Variants in TENM3 observed in about 807,000 individuals in gnomAD.
TENM3 encodes the protein teneurin transmembrane protein 3, also known as teneurin-3.
Under a neutral mutation model 255.1 loss-of-function variants are expected in TENM3, and 63 were observed. The ratio of observed to expected loss-of-function variants is 0.25; its 90% CI spans 0.20 to 0.30. The LOEUF (loss-of-function observed/expected upper bound fraction) is 0.30. Ranked by LOEUF, TENM3 falls within the 10% of genes least tolerant of loss-of-function variation. TENM3 has a pLI of 1.00. For synonymous variants in TENM3, 1,306 were observed against 1,322.3 expected (o/e 0.99, Z 0.27); for missense variants, 2,929 against 3,461.1 (o/e 0.85, Z 3.86).
the TENM3 span, among the ~76,000 whole-genome samples, chr4:181,508,673 C>T: frequency 1.3e-5 from 2 of 152,022 alleles, no homozygotes; most frequent in Non-Finnish European, 2.9e-5. Context: ...CTAATTGTCA[C>T]ATGGCAGAAA....
At chr4:182,034,477 G>A in the TENM3 span, among the ~76,000 whole-genome samples, 10 of 152,182 alleles carry the variant, frequency 6.6e-5, no homozygotes, top group African/African-American at 2.4e-4. Flanking sequence ...GCTTCATAGT[G>A]TGTCACTGGT....
chr4:181,603,833 A>G, the TENM3 span, among the ~76,000 whole-genome samples: 1 of 147,386 alleles, frequency 6.8e-6, no homozygotes, highest in African/African-American at 2.7e-5. Flanking sequence ...AAACTGCATG[A>G]AAGAGGCTAG....
intron 3 of TENM3, among the ~76,000 whole-genome samples, chr4:182,352,915 G>A (rs967039832): frequency 2.2e-4 from 33 of 152,082 alleles, no homozygotes; most frequent in African/African-American, 7.5e-4. Context: ...GGAGGGCAGT[G>A]CCATTTCTTC....
At chr4:182,330,067 A>C (rs1331406538) in intron 2 of TENM3, among the ~76,000 whole-genome samples, 2 of 125,912 alleles carry the variant, frequency 1.6e-5, no homozygotes, top group Non-Finnish European at 3.5e-5. Flanking sequence ...CTACTGAGAG[A>C]AAAAAAAAAT....
chr4:181,598,509 T>TAA, the TENM3 span, among the ~76,000 whole-genome samples: 629 of 152,248 alleles, frequency 4.1e-3, 3 homozygotes, highest in Middle Eastern at 0.014. Context: ...TTTTTTTAAT[T>TAA]AAGAATATTT....
chr4:182,226,619 G>A (rs1756172596), intron 1 of TENM3, among the ~76,000 whole-genome samples: 1 of 152,166 alleles, frequency 6.6e-6, no homozygotes, highest in South Asian at 2.1e-4. Context: ...CTACAGGATG[G>A]AGTGGCTGAG....
chr4:182,766,026 T>C (rs911091559), intron 22 of TENM3, among the ~76,000 whole-genome samples: 2 of 152,210 alleles, frequency 1.3e-5, no homozygotes, highest in Non-Finnish European at 2.9e-5. Context: ...AATTTTCTCT[T>C]TCCAAATGTG....
chr4:181,601,903 C>G, the TENM3 span, among the ~76,000 whole-genome samples: 1 of 152,090 alleles, frequency 6.6e-6, no homozygotes, highest in African/African-American at 2.4e-5. Flanking sequence ...GTAGAAACAT[C>G]CTTCCAATTT....
chr4:182,368,401 G>T (rs1766572275), intron 3 of TENM3, among the ~76,000 whole-genome samples: 1 of 152,266 alleles, frequency 6.6e-6, no homozygotes. Flanking sequence ...TGACCAGTGG[G>T]CCCTTTTATC....
chr4:181,742,838 C>T, the TENM3 span, among the ~76,000 whole-genome samples: 2 of 144,110 alleles, frequency 1.4e-5, no homozygotes, highest in Non-Finnish European at 3.0e-5. Context: ...CCCCCCTCCC[C>T]ACAACAGTCC....
chr4:182,216,288 A>G (rs1362302982), intron 1 of TENM3, among the ~76,000 whole-genome samples: 2 of 152,240 alleles, frequency 1.3e-5, no homozygotes, highest in Admixed American at 6.5e-5. Flanking sequence ...ATTACTGCAC[A>G]TGTGTGAAAG....
At chr4:182,488,454 T>C (rs1734964989) in intron 3 of TENM3, among the ~76,000 whole-genome samples, 1 of 144,010 alleles carries the variant, frequency 6.9e-6, no homozygotes, top group Admixed American at 7.0e-5. Context: ...TGCTAAGTTA[T>C]CTATATAATT....
intron 3 of TENM3, among the ~76,000 whole-genome samples, chr4:182,442,096 C>G (rs1772534478): frequency 6.6e-6 from 1 of 152,088 alleles, no homozygotes; most frequent in Non-Finnish European, 1.5e-5. Context: ...TATGAGCAAG[C>G]AGAAATTGGT....
chr4:181,679,254 T>C, the TENM3 span, among the ~76,000 whole-genome samples: 1 of 152,114 alleles, frequency 6.6e-6, no homozygotes, highest in Non-Finnish European at 1.5e-5. Context: ...TTCCCTTTTC[T>C]TGTCTTTAAA....
the TENM3 span, among the ~76,000 whole-genome samples, chr4:182,125,298 G>C: frequency 6.6e-6 from 1 of 152,250 alleles, no homozygotes; most frequent in African/African-American, 2.4e-5. Flanking sequence ...CACAGTGCTG[G>C]TGTTCAAGTC....
chr4:181,682,842 T>A, the TENM3 span, among the ~76,000 whole-genome samples: 1 of 151,968 alleles, frequency 6.6e-6, no homozygotes, highest in Non-Finnish European at 1.5e-5. Flanking sequence ...GAATTCATGT[T>A]ACGGTCAGGC....
chr4:182,212,005 A>AAT (rs1027464108), intron 1 of TENM3, among the ~76,000 whole-genome samples: 1 of 152,114 alleles, frequency 6.6e-6, no homozygotes, highest in Admixed American at 6.5e-5. Flanking sequence ...GCTCTACTCT[A>AAT]ATATATATAT....
the TENM3 span, among the ~76,000 whole-genome samples, chr4:181,709,717 G>A: frequency 1.3e-5 from 2 of 152,260 alleles, no homozygotes; most frequent in Non-Finnish European, 2.9e-5. Context: ...GGACAGCCAT[G>A]GAAACAAGAT....
At chr4:182,499,382 T>C (rs1167368501) in intron 3 of TENM3, among the ~76,000 whole-genome samples, 1 of 152,232 alleles carries the variant, frequency 6.6e-6, no homozygotes, top group South Asian at 2.1e-4. Flanking sequence ...ACAGGAGTTC[T>C]AGCAGAGGCC....
Sources: gnomAD v4.1 joint callset for allele counts (sites outside exome capture counted in the v4.1 genomes callset) on GRCh38, gnomAD v4.1.1 for gene constraint, MANE v1.5 for transcripts, NCBI Gene and HGNC (gene_info 2026-07-23, HGNC 2026-07-21) for gene names.